The following PLXDC1 variants were observed in gnomAD, a reference collection of about 807,000 sequenced individuals.
PLXDC1 encodes the protein plexin domain-containing protein 1.
In PLXDC1, 39 loss-of-function variants were observed where a neutral mutation model predicts 61.3. The ratio of observed to expected loss-of-function variants is 0.64; its 90% CI spans 0.49 to 0.83. The LOEUF is 0.83. Ranked by LOEUF, PLXDC1 falls within the 40% of genes least tolerant of loss-of-function variation. PLXDC1 has a pLI of 0.00. For synonymous variants in PLXDC1, 212 were observed against 254.5 expected, an observed-to-expected ratio of 0.83 and a Z score of 1.59; for missense variants, 596 against 666.5, an observed-to-expected ratio of 0.89 and a Z score of 1.17.
rs776242384 is a variant in PLXDC1, at chr17:39,107,486, T to G, written c.632A>C (p.Gln211Pro). 11 of 1,613,848 alleles carry G rather than the reference T, an allele frequency of 6.8e-6. No homozygotes were observed. In the South Asian group the frequency reaches 1.2e-4, roughly 18 times the overall value. ...FVVQWDHVYL[Q>P]GWEDKGSFTF... ...GAAACTGCCCTTGTCTTCCCAGCCTTGGAGATAAACGTGGTCCCACTGAAC... is the reference window on the plus strand; with the variant it reads ...GAAACTGCCCTTGTCTTCCCAGCCTGGGAGATAAACGTGGTCCCACTGAAC... The change falls in exon 6 of 14, where the codon CAA becomes CCA. Residue 211 changes from glutamine to proline, a missense_variant. Transcript: ENST00000315392.
At chr17:39,115,821 A>G (rs913775582) in intron 2 of PLXDC1, among the ~76,000 whole-genome samples, 1 of 152,150 alleles carries the variant, frequency 6.6e-6, no homozygotes, top group African/African-American at 2.4e-5. Flanking sequence ...GAGACTAGAA[A>G]TCATGTAACT....
chr17:39,069,430 C>A (rs1909025586), intron 13 of PLXDC1, among the ~76,000 whole-genome samples: 2 of 152,156 alleles, frequency 1.3e-5, no homozygotes, highest in South Asian at 4.1e-4. Flanking sequence ...AAGCAGGTAT[C>A]AGTAGGCAAA....
chr17:39,120,183 C>T (rs528185861), intron 2 of PLXDC1, among the ~76,000 whole-genome samples: 7 of 152,102 alleles, frequency 4.6e-5, no homozygotes, highest in Non-Finnish European at 8.8e-5. Flanking sequence ...TGGAGTTTCG[C>T]TCATGTAACA....
chr17:39,133,368 A>G (rs1250683249), intron 2 of PLXDC1, among the ~76,000 whole-genome samples: 1 of 151,974 alleles, frequency 6.6e-6, no homozygotes, highest in Non-Finnish European at 1.5e-5. Context: ...ACATTCTCTC[A>G]TGTGTGTGGG....
At chr17:39,116,801 G>A (rs943483140) in intron 2 of PLXDC1, among the ~76,000 whole-genome samples, 11 of 152,240 alleles carry the variant, frequency 7.2e-5, no homozygotes, top group African/African-American at 9.7e-5. Context: ...AAGTGTGACT[G>A]CCTCCTGGTC....
intron 2 of PLXDC1, among the ~76,000 whole-genome samples, chr17:39,130,344 T>C (rs12944567): frequency 0.19 from 28,923 of 151,830 alleles, 2,836 homozygotes; most frequent in Middle Eastern, 0.32. Context: ...TCCCAGTTAC[T>C]TGGGAGGCTG....
intron 2 of PLXDC1, among the ~76,000 whole-genome samples, chr17:39,137,770 C>A (rs1393789602): frequency 1.3e-5 from 2 of 151,868 alleles, no homozygotes; most frequent in Non-Finnish European, 2.9e-5. Context: ...GGATCCAACA[C>A]AGGAGGGAGA....
intron 2 of PLXDC1, among the ~76,000 whole-genome samples, chr17:39,120,606 GTTT>G (rs34244449): frequency 5.3e-5 from 7 of 132,732 alleles, no homozygotes; most frequent in African/African-American, 1.1e-4. Context: ...TTTATTTTAG[GTTT>G]TTTTTTTTTT....
intron 2 of PLXDC1, among the ~76,000 whole-genome samples, chr17:39,118,888 T>C (rs1290775959): frequency 1.3e-5 from 2 of 151,994 alleles, no homozygotes; most frequent in African/African-American, 4.8e-5. Context: ...CTTGGAGACT[T>C]AGGAACTGAA....
intron 2 of PLXDC1, among the ~76,000 whole-genome samples, chr17:39,119,752 ATT>A: frequency 6.6e-6 from 1 of 151,940 alleles, no homozygotes; most frequent in Middle Eastern, 3.4e-3. Context: ...CTCAAAAAAA[ATT>A]TTTTTTTAAC....
chr17:39,144,671 C>G (rs1386794681), intron 1 of PLXDC1: 2 of 152,300 alleles, frequency 1.3e-5, no homozygotes, highest in African/African-American at 4.8e-5. Flanking sequence ...GACACCTGCC[C>G]AACCCTCAGC....
intron 2 of PLXDC1, among the ~76,000 whole-genome samples, chr17:39,121,819 A>G (rs1053435307): frequency 6.6e-6 from 1 of 152,204 alleles, no homozygotes; most frequent in African/African-American, 2.4e-5. Flanking sequence ...TGCCCGTAAT[A>G]AGAATGGGTG....
chr17:39,123,555 T>C (rs964635383), intron 2 of PLXDC1, among the ~76,000 whole-genome samples: 11 of 152,140 alleles, frequency 7.2e-5, no homozygotes, highest in African/African-American at 2.7e-4. Context: ...ACAAAGCTCT[T>C]AGCCCAGTGC....
intron 5 of PLXDC1, 24 bp from the exon 6 acceptor site, chr17:39,107,549 G>T: frequency 6.6e-7 from 1 of 1,524,938 alleles, no homozygotes; most frequent in Non-Finnish European, 9.1e-7. Flanking sequence ...CAGAGACCCG[G>T]CTGGACGGGA....
chr17:39,130,339 G>A (rs1027572893), intron 2 of PLXDC1, among the ~76,000 whole-genome samples: 1 of 152,030 alleles, frequency 6.6e-6, no homozygotes, highest in Admixed American at 6.6e-5. Flanking sequence ...TATAGTCCCA[G>A]TTACTTGGGA....
intron 2 of PLXDC1, among the ~76,000 whole-genome samples, chr17:39,122,378 CAAAAAAAAA>C (rs71141762): frequency 1.6e-4 from 6 of 36,492 alleles, no homozygotes; most frequent in Admixed American, 3.8e-4. Flanking sequence ...GACTCTGTCT[CAAAAAAAAA>C]AAAAAAAAAA....
intron 2 of PLXDC1, among the ~76,000 whole-genome samples, chr17:39,122,493 C>T (rs1328542864): frequency 6.6e-6 from 1 of 151,284 alleles, no homozygotes; most frequent in African/African-American, 2.4e-5. Flanking sequence ...ATGGAAAGCA[C>T]ATGTTTTAGA....
At chr17:39,108,997 G>A (rs1910698345) in intron 3 of PLXDC1, 24 bp from the exon 4 acceptor site, 1 of 1,580,458 alleles carries the variant, frequency 6.3e-7, no homozygotes. Context: ...GAGAAAGTCA[G>A]CACGGGCCAA....
At position 39,128,125 on chromosome 17, in the gene PLXDC1, ATGTG is replaced by A. The variant is rs1234390656; in HGVS notation, c.255+11525_255+11528del. Among the ~76,000 whole-genome samples the A allele has an allele frequency of 7.1e-4, 26 of 36,708 alleles. 1 individual carries two copies. The highest frequency in any genetic ancestry group is 1.7e-3 in the African/African-American group (15 of 8,856). The allele number at this position is 36,708 out of a possible 152,430, so 24.1% of individuals were successfully genotyped here. A position where few individuals can be genotyped will look rare whatever the true frequency, so the allele number is the denominator to read the frequency against. On this transcript the variant is annotated intron_variant, in intron 2 of 13. Transcript: ENST00000315392. ...TATATATATATATATGTATATATATATGTGTATATATATGTATATATATGTGTGT... is the reference window on the plus strand; with the variant it reads ...TATATATATATATATGTATATATATATATATATATGTATATATATGTGTGT...
Sources: gnomAD v4.1 joint callset for allele counts (sites outside exome capture counted in the v4.1 genomes callset) on GRCh38, gnomAD v4.1.1 for gene constraint, MANE v1.5 for transcripts, NCBI Gene and HGNC (gene_info 2026-07-23, HGNC 2026-07-21) for gene names.